The following SGMS1 variants were observed in gnomAD, a reference collection of about 807,000 sequenced individuals.
The protein encoded by SGMS1 is sphingomyelin synthase 1, also known as phosphatidylcholine:ceramide cholinephosphotransferase 1.
Under a neutral mutation model 46.2 loss-of-function variants are expected in SGMS1, and 13 were observed. The ratio of observed to expected loss-of-function variants is 0.28; its 90% CI spans 0.18 to 0.45. SGMS1 has a LOEUF of 0.45. SGMS1 is among the 20% of genes least tolerant of loss of function. SGMS1 has a pLI of 1.00. For synonymous variants in SGMS1, 203 were observed against 187.8 expected (o/e 1.08, Z -0.66); for missense variants, 324 against 519.9 (o/e 0.62, Z 3.66).
At chr10:50,521,981 AT>A (rs1162014302) in intron 2 of SGMS1, among the ~76,000 whole-genome samples, 4 of 152,114 alleles carry the variant, frequency 2.6e-5, no homozygotes, top group Admixed American at 2.0e-4. Flanking sequence ...CCTCATCAAA[AT>A]TTCCCCCTAG....
At chr10:50,554,786 C>A (rs1838176880) in intron 2 of SGMS1, among the ~76,000 whole-genome samples, 1 of 152,252 alleles carries the variant, frequency 6.6e-6, no homozygotes, top group Admixed American at 6.5e-5. Flanking sequence ...CAATTGCTAA[C>A]AGATTACATC....
chr10:50,491,597 C>A (rs749275646), intron 3 of SGMS1, among the ~76,000 whole-genome samples: 5 of 152,118 alleles, frequency 3.3e-5, no homozygotes, highest in Admixed American at 2.6e-4. Context: ...GACACATACA[C>A]CCTCCCAAGA....
chr10:50,530,895 A>C (rs1405981606), intron 2 of SGMS1, among the ~76,000 whole-genome samples: 1 of 152,206 alleles, frequency 6.6e-6, no homozygotes, highest in East Asian at 1.9e-4. Context: ...GGATACCTGA[A>C]GGGGAGGCAC....
intron 5 of SGMS1, among the ~76,000 whole-genome samples, chr10:50,436,458 G>T (rs1235231260): frequency 6.6e-6 from 1 of 152,148 alleles, no homozygotes; most frequent in African/African-American, 2.4e-5. Flanking sequence ...TAAGGTGATT[G>T]CGATGAAGTT....
At chr10:50,572,257 A>G (rs1157898628) in intron 2 of SGMS1, among the ~76,000 whole-genome samples, 1 of 152,230 alleles carries the variant, frequency 6.6e-6, no homozygotes, top group African/African-American at 2.4e-5. Context: ...GTAGAATACA[A>G]GGTAACCCAA....
At chr10:50,551,418 C>T (rs962170824) in intron 2 of SGMS1, among the ~76,000 whole-genome samples, 18 of 149,496 alleles carry the variant, frequency 1.2e-4, no homozygotes, top group African/African-American at 4.5e-4. Context: ...CCGTCTAGGG[C>T]TCAAAAGAGA....
chr10:50,394,999 A>G (rs1225974475), intron 6 of SGMS1, among the ~76,000 whole-genome samples: 1 of 152,176 alleles, frequency 6.6e-6, no homozygotes, highest in Admixed American at 6.5e-5. Flanking sequence ...TTGCTTTTAC[A>G]TAACAGGAAG....
intron 6 of SGMS1, among the ~76,000 whole-genome samples, chr10:50,352,360 C>G (rs1168576750): frequency 6.6e-6 from 1 of 152,140 alleles, no homozygotes; most frequent in Non-Finnish European, 1.5e-5. Context: ...GTATGTTAGC[C>G]TGGGCTCAGA....
At chr10:50,395,034 T>A (rs940330714) in intron 6 of SGMS1, among the ~76,000 whole-genome samples, 2 of 152,180 alleles carry the variant, frequency 1.3e-5, no homozygotes, top group African/African-American at 4.8e-5. Flanking sequence ...TCTCTGGCAA[T>A]ACTTTGCGTG....
intron 6 of SGMS1, among the ~76,000 whole-genome samples, chr10:50,354,846 C>T (rs569270964): frequency 0.015 from 2,217 of 152,028 alleles, 67 homozygotes; most frequent in African/African-American, 0.051. Flanking sequence ...AAAAAGTGCT[C>T]ATCATCACTG....
intron 2 of SGMS1, among the ~76,000 whole-genome samples, chr10:50,542,857 CAAAAA>C (rs752420440): frequency 2.6e-5 from 2 of 78,402 alleles, no homozygotes; most frequent in Non-Finnish European, 5.4e-5. Context: ...ATGCCAAGTG[CAAAAA>C]AAAAAAAAAA....
At chr10:50,347,776 G>C (rs1847937944) in intron 6 of SGMS1, among the ~76,000 whole-genome samples, 1 of 152,104 alleles carries the variant, frequency 6.6e-6, no homozygotes, top group South Asian at 2.1e-4. Flanking sequence ...ACCAGACAGA[G>C]GCCAAAGTGT....
intron 3 of SGMS1, among the ~76,000 whole-genome samples, chr10:50,518,739 A>G (rs1588861745): frequency 1.3e-5 from 2 of 152,372 alleles, no homozygotes; most frequent in South Asian, 2.1e-4. Flanking sequence ...TATTTGTGCC[A>G]TATAAACAGT....
intron 2 of SGMS1, among the ~76,000 whole-genome samples, chr10:50,564,730 G>C (rs1195423896): frequency 6.6e-6 from 1 of 152,156 alleles, no homozygotes; most frequent in Non-Finnish European, 1.5e-5. Flanking sequence ...AGCAGAAAAT[G>C]AGACAATGGC....
In SGMS1 at chr10:50,623,880, G is replaced by A; in HGVS notation, c.-857C>T. On this transcript the variant is annotated 5_prime_UTR_variant, in exon 1 of 11. Coordinates refer to ENST00000361781, the MANE Select transcript of SGMS1 (RefSeq NM_147156.4). The stretch of plus-strand genomic sequence containing the variant: ...GGCCGGTCCTTCTCACTCCCGACCT[G>A]CCCGCCGCCTGCCGCCCGCAGCCGC... 3.0e-6 allele frequency: 3 copies of A among 986,782 alleles called. No homozygotes were observed. Among genetic ancestry groups the A allele is most frequent in the Non-Finnish European group, 3.6e-6 (3 of 831,244 alleles). 61.1% of individuals were successfully genotyped at this position (986,782 alleles called of 1,614,324 possible).
intron 1 of SGMS1, among the ~76,000 whole-genome samples, chr10:50,610,484 T>G (rs1176171467): frequency 6.6e-6 from 1 of 152,106 alleles, no homozygotes; most frequent in Non-Finnish European, 1.5e-5. Context: ...TTGAAACGAA[T>G]GAGCAAAATG....
rs562176327 is a variant in SGMS1 at position 50,517,729 on chromosome 10, C to T, written c.-498+2102G>A. ...CTTAAAAGAAAGCTCTAAATAGACA[C>T]ATTGTAATGAAACTGCTGAACACCA... is the stretch of plus-strand genomic sequence containing the variant. On this transcript the variant is annotated intron_variant, in intron 3 of 10. Coordinates refer to ENST00000361781, the MANE Select transcript of SGMS1 (RefSeq NM_147156.4). Among the ~76,000 whole-genome samples the T allele has an allele frequency of 3.9e-5, 6 of 152,096 alleles. 1 individual carries two copies. The highest frequency in any genetic ancestry group is 3.9e-4 in the Admixed American group (6 of 15,266).
chr10:50,427,804 A>C (rs1489602577), intron 6 of SGMS1, among the ~76,000 whole-genome samples: 1 of 152,146 alleles, frequency 6.6e-6, no homozygotes, highest in East Asian at 1.9e-4. Flanking sequence ...AGAAATCCAC[A>C]CTTTGACATG....
At chr10:50,592,135 A>T (rs570984131) in intron 1 of SGMS1, among the ~76,000 whole-genome samples, 2 of 152,280 alleles carry the variant, frequency 1.3e-5, no homozygotes, top group South Asian at 4.2e-4. Flanking sequence ...ACAACCCAGA[A>T]CACTTAGACC....
Sources: gnomAD v4.1 joint callset for allele counts (sites outside exome capture counted in the v4.1 genomes callset) on GRCh38, gnomAD v4.1.1 for gene constraint, MANE v1.5 for transcripts, NCBI Gene and HGNC (gene_info 2026-07-23, HGNC 2026-07-21) for gene names.